The following EYA2 variants were observed in gnomAD, a reference collection of about 807,000 sequenced individuals.
The protein encoded by EYA2 is EYA transcriptional coactivator and phosphatase 2.
Under a neutral mutation model 69.2 loss-of-function variants are expected in EYA2, and 31 were observed. The observed-to-expected ratio is 0.45, with a 90% confidence interval of 0.34 to 0.60. The LOEUF (loss-of-function observed/expected upper bound fraction) is 0.60. Ranked by LOEUF, EYA2 falls within the 20% of genes least tolerant of loss-of-function variation. EYA2 has a pLI of 0.02. For missense variants in EYA2, 622 were observed against 701.2 expected, an observed-to-expected ratio of 0.89 and a Z score of 1.28; for synonymous variants, 257 against 279.4, an observed-to-expected ratio of 0.92 and a Z score of 0.80.
intron 5 of EYA2, among the ~76,000 whole-genome samples, chr20:47,048,088 T>C (rs2030139979): frequency 6.6e-6 from 1 of 152,238 alleles, no homozygotes; most frequent in East Asian, 1.9e-4. Flanking sequence ...CCTTTTGCTG[T>C]ATAAACTAAC....
chr20:46,964,923 G>A (rs1029233638), intron 1 of EYA2, among the ~76,000 whole-genome samples: 7 of 152,158 alleles, frequency 4.6e-5, no homozygotes, highest in Admixed American at 2.0e-4. Flanking sequence ...AGTAAGGGAC[G>A]GTCAGTGAGT....
intron 10 of EYA2, among the ~76,000 whole-genome samples, chr20:47,156,623 G>C (rs2033957944): frequency 6.6e-6 from 1 of 151,900 alleles, no homozygotes; most frequent in Admixed American, 6.5e-5. Context: ...ATATGTCACT[G>C]TGTTAACACT....
At chr20:47,043,720 C>T (rs75942862) in intron 5 of EYA2, among the ~76,000 whole-genome samples, 4,111 of 152,164 alleles carry the variant, frequency 0.027, 200 homozygotes, top group African/African-American at 0.092. Flanking sequence ...TAAGTTAATA[C>T]GTATAAAGCT....
intron 10 of EYA2, among the ~76,000 whole-genome samples, chr20:47,157,088 C>G (rs573945325): frequency 1.3e-5 from 2 of 151,988 alleles, no homozygotes; most frequent in South Asian, 4.2e-4. Context: ...GGGATGGTGG[C>G]TCATGCCTGT....
intron 9 of EYA2, among the ~76,000 whole-genome samples, chr20:47,117,091 C>A (rs1255696950): frequency 6.7e-6 from 1 of 149,626 alleles, no homozygotes; most frequent in African/African-American, 2.5e-5. Context: ...CGGCTCACTG[C>A]AACCTCTGCC....
chr20:47,136,456 C>G (rs1205737793), intron 9 of EYA2, among the ~76,000 whole-genome samples: 1 of 152,156 alleles, frequency 6.6e-6, no homozygotes, highest in African/African-American at 2.4e-5. Flanking sequence ...AAGGCCCCAC[C>G]AACCTCCTAT....
In EYA2 at chr20:46,992,079, G is replaced by A. The variant is rs546194003; in HGVS notation, c.109+1960G>A. 7.3e-5 allele frequency among the ~76,000 whole-genome samples: 11 copies of A among 150,956 alleles called. No homozygotes were observed. In the East Asian group the frequency reaches 2.0e-3, roughly 27 times the overall value. On this transcript the variant is annotated intron_variant, in intron 2 of 15. Coordinates refer to ENST00000327619, the MANE Select transcript of EYA2 (RefSeq NM_005244.5). ...GCTGCTGTCCTGTAGATGAATCCCC[G>A]CCTCTCCCTTTTGTCCTTAATTGTT...
chr20:46,978,825 G>A (rs935152126), intron 1 of EYA2, among the ~76,000 whole-genome samples: 3 of 152,216 alleles, frequency 2.0e-5, no homozygotes, highest in Admixed American at 6.5e-5. Flanking sequence ...TGGATTGGAC[G>A]TGAGCATTGA....
At chr20:47,167,333 G>A (rs1316694492) in intron 10 of EYA2, among the ~76,000 whole-genome samples, 1 of 136,844 alleles carries the variant, frequency 7.3e-6, no homozygotes, top group Non-Finnish European at 1.5e-5. Flanking sequence ...CCAGGCTGGC[G>A]TGCAGTGGTG....
intron 2 of EYA2, among the ~76,000 whole-genome samples, chr20:46,996,354 G>A (rs1447468411): frequency 3.3e-5 from 5 of 152,180 alleles, no homozygotes; most frequent in African/African-American, 4.8e-5. Flanking sequence ...ACCCCAAATT[G>A]TGATAATGCT....
intron 9 of EYA2, among the ~76,000 whole-genome samples, chr20:47,133,334 C>T (rs1342300288): frequency 6.6e-6 from 1 of 152,174 alleles, no homozygotes; most frequent in Non-Finnish European, 1.5e-5. Flanking sequence ...ATCCTTGAAT[C>T]AATCACTATG....
intron 1 of EYA2, among the ~76,000 whole-genome samples, chr20:46,943,455 T>C (rs984971348): frequency 6.6e-6 from 1 of 151,936 alleles, no homozygotes; most frequent in Admixed American, 6.6e-5. Context: ...TCTCCCAGAG[T>C]TGTTGTGAGA....
At chr20:47,036,639 G>A (rs1450988841) in intron 5 of EYA2, among the ~76,000 whole-genome samples, 4 of 152,286 alleles carry the variant, frequency 2.6e-5, no homozygotes, top group Admixed American at 2.6e-4. Flanking sequence ...TTTTGCCTCA[G>A]GCTTCAGTAC....
intron 15 of EYA2, among the ~76,000 whole-genome samples, chr20:47,184,527 C>T (rs1257200414): frequency 1.3e-5 from 2 of 151,726 alleles, no homozygotes; most frequent in Non-Finnish European, 2.9e-5. Flanking sequence ...AAGCGATCTT[C>T]CCACTTCCAC....
intron 2 of EYA2, among the ~76,000 whole-genome samples, chr20:46,991,765 C>G (rs1200718148): frequency 3.3e-5 from 5 of 152,072 alleles, no homozygotes; most frequent in South Asian, 2.1e-4. Flanking sequence ...GTCAGGAGTT[C>G]AAGACCAGCC....
At chr20:47,130,256 A>ATTTTTTTTTTTTTTT (rs1392782309) in intron 9 of EYA2, among the ~76,000 whole-genome samples, 1 of 69,780 alleles carries the variant, frequency 1.4e-5, no homozygotes, top group Non-Finnish European at 2.8e-5. Flanking sequence ...AAGAAGGTTT[A>ATTTTTTTTTTTTTTT]TTTTCTTTTT....
chr20:47,074,305 G>A lies in EYA2; in HGVS notation c.631G>A (p.Val211Ile), dbSNP rs142696386. 1.7e-5 allele frequency: 28 copies of A among 1,613,764 alleles called. No homozygotes were observed. In the African/African-American group the frequency reaches 1.9e-4, roughly 11 times the overall value. The stretch of plus-strand genomic sequence containing the variant: ...CGTCCTCCAGGAGGCATCTCACAAC[G>A]TCCCCAACCAGAGTTCCGAGTCACT... ...TYVLQEASHN[V>I]PNQSSESLAG... Residue 211 changes from valine (V) to isoleucine (I), a missense_variant, in exon 7 of 16, where the codon GTC becomes ATC. By Grantham distance (29) the Val-to-Ile change is conservative. This residue lies in a region of EYA2 where 365 missense variants were observed against 349.7 expected (regional missense o/e 1.04). Transcript: ENST00000327619.
At chr20:47,135,818 C>CAAAAAAAA (rs1201324879) in intron 9 of EYA2, among the ~76,000 whole-genome samples, 920 of 32,160 alleles carry the variant, frequency 0.029, 34 homozygotes, top group Non-Finnish European at 0.041. Context: ...CCTGTCTCTA[C>CAAAAAAAA]AAAAAAAAAA....
At chr20:47,126,184 C>T (rs1056112517) in intron 9 of EYA2, among the ~76,000 whole-genome samples, 3 of 152,328 alleles carry the variant, frequency 2.0e-5, no homozygotes, top group East Asian at 1.9e-4. Flanking sequence ...TTGCAAAGCG[C>T]GAGGCCAAAC....
Sources: allele counts gnomAD v4.1 joint callset (sites outside exome capture counted in the v4.1 genomes callset), GRCh38; gene constraint gnomAD v4.1.1; regional missense constraint gnomAD v4.1.1; transcripts MANE v1.5; gene names NCBI Gene and HGNC (gene_info 2026-07-23, HGNC 2026-07-21).